The following MXI1 variants were observed in gnomAD, a reference collection of about 807,000 sequenced individuals.
MXI1 encodes the protein max-interacting protein 1.
In MXI1, 18 loss-of-function variants were observed where a neutral mutation model predicts 36.9. That is an observed-to-expected ratio of 0.49 (90% CI 0.34 to 0.72). MXI1 has a LOEUF of 0.72. Ranked by LOEUF, MXI1 falls within the 30% of genes least tolerant of loss-of-function variation. The pLI is 0.01. For missense variants in MXI1, 304 were observed against 379.1 expected (o/e 0.80, Z 1.64); for synonymous variants, 160 against 146.7 (o/e 1.09, Z -0.65).
At chr10:110,210,167 G>T in intron 1 of MXI1, 1 of 825,150 alleles carries the variant, frequency 1.2e-6, no homozygotes, top group Non-Finnish European at 1.5e-6. Context: ...CCCGCGCGGG[G>T]CGGGCCCGTG....
chr10:110,227,505 A>G, intron 1 of MXI1: 1 of 982,756 alleles, frequency 1.0e-6, no homozygotes, highest in East Asian at 1.2e-4. Context: ...AGAGAGGGTG[A>G]CCGTGGAGAA....
intron 2 of MXI1, among the ~76,000 whole-genome samples, chr10:110,241,687 C>G (rs897338289): frequency 6.6e-6 from 1 of 151,850 alleles, no homozygotes; most frequent in African/African-American, 2.4e-5. Context: ...TATTTCCAGG[C>G]TAATTCAAAG....
chr10:110,284,134 G>GTTT (rs964853179), intron 5 of MXI1, among the ~76,000 whole-genome samples: 2 of 142,766 alleles, frequency 1.4e-5, no homozygotes, highest in Non-Finnish European at 3.1e-5. Flanking sequence ...TATTTGTGGT[G>GTTT]TTTTTTTTTT....
In MXI1 at chr10:110,228,297, G is replaced by A. The variant is rs1468461482; in HGVS notation, c.383G>A (p.Ser128Asn). Residue 128 changes from serine to asparagine, a missense_variant, in exon 2 of 6, where the codon AGC becomes AAC. Around this residue, in one of 2 missense-constraint regions of MXI1, gnomAD observed 179 missense variants for 184.8 expected, o/e 0.97. Transcript: ENST00000332674. ...CGGGCACAGAAACACAGCAGCGGGA[G>A]CAGCAACACCAGCACTGCCAACAGG... The part of the protein sequence containing the change: ...LSRAQKHSSG[S>N]SNTSTANRST... The A allele has an allele frequency of 1.2e-6, 2 of 1,614,158 alleles. No individual in the cohort carries two copies. The highest frequency in any genetic ancestry group is 1.7e-6 in the Non-Finnish European group (2 of 1,180,034).
intron 2 of MXI1, among the ~76,000 whole-genome samples, chr10:110,231,869 G>A (rs1420473696): frequency 6.6e-6 from 1 of 152,084 alleles, no homozygotes; most frequent in Non-Finnish European, 1.5e-5. Flanking sequence ...CTCTTCAGTC[G>A]GCCTTCTTTC....
At chr10:110,274,439 A>C (rs1428726958) in intron 3 of MXI1, among the ~76,000 whole-genome samples, 1 of 152,056 alleles carries the variant, frequency 6.6e-6, no homozygotes, top group Admixed American at 6.5e-5. Flanking sequence ...AGGGGACTCC[A>C]GTTTTCTCAC....
At chr10:110,263,289 A>G (rs1300467769) in intron 3 of MXI1, among the ~76,000 whole-genome samples, 1 of 152,164 alleles carries the variant, frequency 6.6e-6, no homozygotes, top group Non-Finnish European at 1.5e-5. Context: ...CTGCAAATAT[A>G]TTCCCTTTCC....
At chr10:110,254,141 G>T (rs1590377014) in intron 3 of MXI1, among the ~76,000 whole-genome samples, 1 of 152,040 alleles carries the variant, frequency 6.6e-6, no homozygotes, top group East Asian at 1.9e-4. Context: ...GCAATTGAAG[G>T]TTTGTGTCAA....
At chr10:110,238,824 C>T (rs1229980013) in intron 2 of MXI1, among the ~76,000 whole-genome samples, 1 of 152,066 alleles carries the variant, frequency 6.6e-6, no homozygotes, top group African/African-American at 2.4e-5. Flanking sequence ...TTCATATCAT[C>T]TAAGTTATCA....
At chr10:110,265,509 G>T (rs1202659669) in intron 3 of MXI1, among the ~76,000 whole-genome samples, 3 of 152,106 alleles carry the variant, frequency 2.0e-5, no homozygotes, top group Non-Finnish European at 2.9e-5. Flanking sequence ...TGGAAATGGA[G>T]TTCATTTGAA....
chr10:110,213,263 T>G (rs539604722), intron 1 of MXI1, among the ~76,000 whole-genome samples: 13 of 152,384 alleles, frequency 8.5e-5, no homozygotes, highest in African/African-American at 3.1e-4. Context: ...ATCGAGGGCT[T>G]TGATGGCAAC....
At chr10:110,227,446 G>T (rs1855089576) in intron 1 of MXI1, 3 of 988,496 alleles carry the variant, frequency 3.0e-6, no homozygotes, top group Non-Finnish European at 3.6e-6. Context: ...GCGGCGAGCG[G>T]GAAGGAGACG....
chr10:110,218,564 T>C (rs74155000), intron 1 of MXI1, among the ~76,000 whole-genome samples: 6,477 of 151,556 alleles, frequency 0.043, 439 homozygotes, highest in African/African-American at 0.15. Flanking sequence ...GGGTAGAGAG[T>C]GGGCTGTCAG....
At chr10:110,216,909 C>T (rs7897771) in intron 1 of MXI1, among the ~76,000 whole-genome samples, 8,075 of 151,952 alleles carry the variant, frequency 0.053, 582 homozygotes, top group African/African-American at 0.16. Context: ...CTCAAGCCAT[C>T]GACCCACCTC....
At chr10:110,272,091 A>G (rs1303401111) in intron 3 of MXI1, among the ~76,000 whole-genome samples, 4 of 152,186 alleles carry the variant, frequency 2.6e-5, no homozygotes, top group African/African-American at 9.7e-5. Context: ...TAGCAGTTTG[A>G]ACATAGATTC....
At chr10:110,219,735 A>G (rs1419543115) in intron 1 of MXI1, among the ~76,000 whole-genome samples, 1 of 152,232 alleles carries the variant, frequency 6.6e-6, no homozygotes, top group Non-Finnish European at 1.5e-5. Flanking sequence ...ATAAGCACAT[A>G]GAGGACAGGG....
intron 2 of MXI1, among the ~76,000 whole-genome samples, chr10:110,229,672 T>C (rs1174780663): frequency 6.6e-6 from 1 of 152,224 alleles, no homozygotes; most frequent in African/African-American, 2.4e-5. Context: ...CTATCTGTGT[T>C]GTGTGTGGGT....
At chr10:110,272,648 G>A (rs182828894) in intron 3 of MXI1, among the ~76,000 whole-genome samples, 5 of 151,814 alleles carry the variant, frequency 3.3e-5, no homozygotes, top group Admixed American at 3.3e-4. Context: ...ATACAGATAA[G>A]CCCTTTCATG....
chr10:110,227,585 G>GT (rs943986524), intron 1 of MXI1: 42 of 978,110 alleles, frequency 4.3e-5, no homozygotes, highest in Admixed American at 2.5e-4. Context: ...ATGCTGGGGG[G>GT]GGTCAGGGGA....
Sources: allele counts gnomAD v4.1 joint callset (sites outside exome capture counted in the v4.1 genomes callset), GRCh38; gene constraint gnomAD v4.1.1; regional missense constraint gnomAD v4.1.1; transcripts MANE v1.5; gene names NCBI Gene and HGNC (gene_info 2026-07-23, HGNC 2026-07-21).